Variants in UTY observed in about 807,000 individuals in gnomAD.
UTY encodes the protein ubiquitously transcribed tetratricopeptide repeat containing, Y-linked.
Under a neutral mutation model 32.5 loss-of-function variants are expected in UTY, and 12 were observed. The ratio of observed to expected loss-of-function variants is 0.37; its 90% CI spans 0.24 to 0.60. The LOEUF (loss-of-function observed/expected upper bound fraction) is 0.60. UTY is among the 20% of genes least tolerant of loss of function. The pLI is 0.69. For missense variants in UTY, 303 were observed against 299.2 expected, an observed-to-expected ratio of 1.01 and a Z score of -0.09; for synonymous variants, 131 against 103.4, an observed-to-expected ratio of 1.27 and a Z score of -1.62.
At chrY:13,259,646 G>T in intron 28 of UTY, among the ~76,000 whole-genome samples, 1 of 33,884 alleles carries the variant, frequency 3.0e-5, no homozygotes, top group South Asian at 6.4e-4. Flanking sequence ...TGCTATTTTT[G>T]TCTGCTGCAA....
intron 19 of UTY, 31 bp from the exon 20 acceptor site, chrY:13,324,737 A>G: frequency 5.8e-6 from 2 of 342,084 alleles, no homozygotes; most frequent in Non-Finnish European, 8.5e-6. Context: ...GTTAGGTCTC[A>G]GATAAATGAC....
chrY:13,465,834 G>A (rs2077862398), intron 3 of UTY, among the ~76,000 whole-genome samples: 1 of 33,268 alleles, frequency 3.0e-5, no homozygotes, highest in African/African-American at 1.2e-4. Flanking sequence ...ACAGTTGAAA[G>A]AACACACCAC....
chrY:13,329,646 A>G, intron 18 of UTY, among the ~76,000 whole-genome samples: 1 of 34,124 alleles, frequency 2.9e-5, no homozygotes, highest in Non-Finnish European at 7.3e-5. Flanking sequence ...TGTAAACACT[A>G]CATGACCAAA....
chrY:13,373,789 A>G, intron 8 of UTY, among the ~76,000 whole-genome samples: 1 of 33,877 alleles, frequency 3.0e-5, no homozygotes, highest in Non-Finnish European at 7.3e-5. Context: ...CATAGATTTG[A>G]GCCCAGGCTG....
At chrY:13,448,477 A>C (rs1000760405) in intron 4 of UTY, among the ~76,000 whole-genome samples, 8 of 33,012 alleles carry the variant, frequency 2.4e-4, no homozygotes, top group Non-Finnish European at 4.5e-4. Context: ...AGAATACACA[A>C]ATATATAGAA....
intron 6 of UTY, among the ~76,000 whole-genome samples, chrY:13,409,461 A>G (rs2070584771): frequency 2.9e-5 from 1 of 33,924 alleles, no homozygotes; most frequent in Non-Finnish European, 7.4e-5. Flanking sequence ...TAGCACAAAC[A>G]GTCTACATAA....
chrY:13,335,359 AC>A (rs2060984525), intron 18 of UTY, among the ~76,000 whole-genome samples: 2 of 33,112 alleles, frequency 6.0e-5, no homozygotes, highest in African/African-American at 1.2e-4. Flanking sequence ...GAAAAAAAAA[AC>A]AACCCACAAC....
intron 8 of UTY, among the ~76,000 whole-genome samples, chrY:13,390,875 C>T (rs2067489505): frequency 3.0e-5 from 1 of 33,354 alleles, no homozygotes; most frequent in South Asian, 6.6e-4. Context: ...TATGAGAAAA[C>T]GTAGTTGACA....
chrY:13,353,457 CAG>C (rs2062582202), intron 17 of UTY, among the ~76,000 whole-genome samples: 1 of 34,089 alleles, frequency 2.9e-5, no homozygotes, highest in African/African-American at 1.1e-4. Flanking sequence ...AGAGCTCTGA[CAG>C]ATGTAAAAAG....
intron 21 of UTY, among the ~76,000 whole-genome samples, chrY:13,316,693 A>C: frequency 3.1e-5 from 1 of 32,197 alleles, no homozygotes; most frequent in Non-Finnish European, 7.5e-5. Flanking sequence ...TCTTTTTCCC[A>C]CTGGATTTGA....
intron 12 of UTY, 141 bp from the exon 13 acceptor site, chrY:13,359,363 G>A: frequency 1.2e-5 from 2 of 172,121 alleles, no homozygotes; most frequent in Non-Finnish European, 1.9e-5. Flanking sequence ...AATATAAAGA[G>A]GGCAACTAGA....
chrY:13,238,186 C>T, intron 28 of UTY, among the ~76,000 whole-genome samples: 2 of 33,563 alleles, frequency 6.0e-5, no homozygotes, highest in Non-Finnish European at 1.5e-4. Flanking sequence ...CAGGTTTAAT[C>T]CCCTACCTAT....
chrY:13,368,062 C>CTT (rs758483942), intron 9 of UTY, among the ~76,000 whole-genome samples: 1 of 23,198 alleles, frequency 4.3e-5, no homozygotes. Context: ...TAAGCACTAT[C>CTT]TTTTTTTTTT....
chrY:13,392,823 A>G (rs2067718200), intron 8 of UTY, among the ~76,000 whole-genome samples: 2 of 33,317 alleles, frequency 6.0e-5, no homozygotes, highest in Non-Finnish European at 1.5e-4. Flanking sequence ...AAAAAATTAC[A>G]TATGTGTGTA....
chrY:13,448,322 G>T, intron 4 of UTY, among the ~76,000 whole-genome samples: 1 of 33,310 alleles, frequency 3.0e-5, no homozygotes, highest in Non-Finnish European at 7.4e-5. Flanking sequence ...AGTTGCAAGA[G>T]TTTTAAAATA....
At chrY:13,258,465 A>T in intron 28 of UTY, among the ~76,000 whole-genome samples, 2 of 34,141 alleles carry the variant, frequency 5.9e-5, no homozygotes, top group African/African-American at 1.1e-4. Context: ...TGTAGGAGCT[A>T]AACATAAGGA....
At chrY:13,447,511 T>C (rs779204977) in intron 4 of UTY, among the ~76,000 whole-genome samples, 1 of 34,085 alleles carries the variant, frequency 2.9e-5, no homozygotes, top group Non-Finnish European at 7.3e-5. Flanking sequence ...GGATTATGTA[T>C]AGACACACTG....
At chrY:13,446,674 T>G in intron 4 of UTY, among the ~76,000 whole-genome samples, 1 of 31,815 alleles carries the variant, frequency 3.1e-5, no homozygotes, top group East Asian at 8.3e-4. Context: ...TAATTATAAG[T>G]GTTCATGGGC....
At chrY:13,470,308 A>G in intron 2 of UTY, 79 bp from the exon 3 acceptor site, 2 of 186,061 alleles carry the variant, frequency 1.1e-5, no homozygotes, top group Non-Finnish European at 1.7e-5. Context: ...GAGATTCTTA[A>G]AGAAATCAAA....
Sources: allele counts gnomAD v4.1 joint callset (sites outside exome capture counted in the v4.1 genomes callset), GRCh38; gene constraint gnomAD v4.1.1; transcripts MANE v1.5; gene names NCBI Gene and HGNC (gene_info 2026-07-23, HGNC 2026-07-21).